Variants in SAMD3 observed in about 807,000 individuals in gnomAD.
The protein encoded by SAMD3 is sterile alpha motif domain-containing protein 3.
In SAMD3, 63 loss-of-function variants were observed where a neutral mutation model predicts 58.5. That is an observed-to-expected ratio of 1.08 (90% CI 0.88 to 1.33). The LOEUF is 1.33. SAMD3 is among the 40% of genes most tolerant of loss of function. The pLI, the probability that SAMD3 is intolerant of heterozygous loss-of-function variation, is 0.00. For synonymous variants in SAMD3, 220 were observed against 210.3 expected (o/e 1.05, Z -0.40); for missense variants, 604 against 608.4 (o/e 0.99, Z 0.08).
At position 130,144,644 on chromosome 6, in the gene SAMD3, C is replaced by T; in HGVS notation, c.1439G>A (p.Cys480Tyr). 2.5e-6 allele frequency: 4 copies of T among 1,614,120 alleles called. No homozygotes were observed. The highest frequency in any genetic ancestry group is 3.4e-6 in the Non-Finnish European group (4 of 1,180,014). The change falls in exon 12 of 12, where the codon TGT becomes TAT. Residue 480 changes from cysteine (C) to tyrosine (Y), a missense_variant. Coordinates refer to ENST00000439090, the MANE Select transcript of SAMD3 (RefSeq NM_001017373.4). ...VAAFHVFRIE[C>Y]PRRLSQTFNF... ...GAAAGTTTGGGACAGTCTTCTTGGA[C>T]ACTCAATCCTAAATACATGAAAGGC...
intron 2 of SAMD3, among the ~76,000 whole-genome samples, chr6:130,258,812 A>G (rs773361888): frequency 2.0e-5 from 3 of 152,120 alleles, no homozygotes; most frequent in Non-Finnish European, 4.4e-5. Flanking sequence ...TATCCCACAG[A>G]TTTGATGTTA....
In SAMD3 at chr6:130,144,438, AC is replaced by A. The variant is rs377204860; in HGVS notation, c.*81del. On this transcript the variant is annotated 3_prime_UTR_variant, in exon 12 of 12. Coordinates refer to ENST00000439090, the MANE Select transcript of SAMD3 (RefSeq NM_001017373.4). Reference sequence around the variant, plus strand: ...AGATGATTTTCTCATACCTACCTCTACCACAACCCTAAATCAAAACAATTTC... The same window carrying A: ...AGATGATTTTCTCATACCTACCTCTACACAACCCTAAATCAAAACAATTTC... The A allele has an allele frequency of 3.2e-4, 447 of 1,376,498 alleles. 2 individuals carry two copies. The African/African-American group carries it at 5.7e-3, about 17-fold the overall frequency. 85.3% of individuals were successfully genotyped at this position (1,376,498 alleles called of 1,614,324 possible).
intron 2 of SAMD3, among the ~76,000 whole-genome samples, chr6:130,264,291 A>G (rs2114927061): frequency 6.6e-6 from 1 of 152,302 alleles, no homozygotes; most frequent in Middle Eastern, 3.4e-3. Flanking sequence ...AAGGCCATCC[A>G]GCTTCCATCT....
intron 2 of SAMD3, among the ~76,000 whole-genome samples, chr6:130,258,677 C>T (rs571869346): frequency 1.8e-4 from 27 of 152,186 alleles, no homozygotes; most frequent in Middle Eastern, 3.4e-3. Flanking sequence ...TCCTTATCAC[C>T]CAGCAACCAC....
chr6:130,258,977 T>A (rs774874802), intron 2 of SAMD3, among the ~76,000 whole-genome samples: 1 of 152,132 alleles, frequency 6.6e-6, no homozygotes, highest in Admixed American at 6.6e-5. Flanking sequence ...ATTTTATGAC[T>A]TTTACAGTGG....
At chr6:130,223,794 T>C (rs926835960), upstream of SAMD3, among the ~76,000 whole-genome samples, 1 of 152,138 alleles carries the variant, frequency 6.6e-6, no homozygotes, top group African/African-American at 2.4e-5. Flanking sequence ...TGGCAGCACC[T>C]AGGGTTGAGT....
intron 2 of SAMD3, among the ~76,000 whole-genome samples, chr6:130,251,888 G>A (rs1292719926): frequency 6.6e-6 from 1 of 151,936 alleles, no homozygotes; most frequent in African/African-American, 2.4e-5. Flanking sequence ...AGAATAATCT[G>A]ATCCTGAGGG....
At chr6:130,285,074 G>C (rs371546995) in intron 2 of SAMD3, among the ~76,000 whole-genome samples, 2 of 152,156 alleles carry the variant, frequency 1.3e-5, no homozygotes, top group Admixed American at 6.5e-5. Flanking sequence ...GTATTCAATG[G>C]TTAAAAATGG....
At chr6:130,306,556 C>T (rs892010255) in intron 2 of SAMD3, among the ~76,000 whole-genome samples, 2 of 145,636 alleles carry the variant, frequency 1.4e-5, no homozygotes, top group Admixed American at 1.4e-4. Context: ...GTTGAACCGA[C>T]AGAAATTAGA....
chr6:130,160,828 A>G (rs1179038680), intron 8 of SAMD3: 3 of 152,176 alleles, frequency 2.0e-5, no homozygotes, highest in African/African-American at 7.2e-5. Flanking sequence ...TAAAATGTGG[A>G]AGGTGGTGAA....
rs148782566 is a variant in SAMD3, at chr6:130,343,871, G to A, written c.-304+21249C>T. Among the ~76,000 whole-genome samples the A allele has an allele frequency of 1.2e-4, 19 of 152,120 alleles. No individual in the cohort carries two copies. The East Asian group carries it at 2.5e-3, about 20-fold the overall frequency. On this transcript the variant is annotated intron_variant, in intron 1 of 13. Transcript: ENST00000368134. ...TCCCAGCTACTTGGGAGGCCGAGGC[G>A]GGAGAATCGCTTGAACCGGGGAGGT...
rs116313902 is a variant in SAMD3, at chr6:130,335,083, C to T, written c.-303-21990G>A. 8.8e-3 allele frequency among the ~76,000 whole-genome samples: 1,342 copies of T among 152,298 alleles called. 22 individuals carry two copies. Among genetic ancestry groups the T allele is most frequent in the African/African-American group, 0.03 (1,262 of 41,544 alleles). On this transcript the variant is annotated intron_variant, in intron 1 of 13. Coordinates refer to the SAMD3 transcript ENST00000368134. ...TGACAGCAGCAAAGGGTTAGGCTCC[C>T]AGCCGCTATTTTTCTCAAAGTTGGC...
At chr6:130,225,418 A>G (rs978083206), upstream of SAMD3, among the ~76,000 whole-genome samples, 4 of 152,220 alleles carry the variant, frequency 2.6e-5, no homozygotes, top group African/African-American at 4.8e-5. Flanking sequence ...AGAGGCTGGT[A>G]TCTCATTGTC....
chr6:130,273,378 G>T (rs1583035732), intron 2 of SAMD3, among the ~76,000 whole-genome samples: 1 of 152,046 alleles, frequency 6.6e-6, no homozygotes, highest in African/African-American at 2.4e-5. Context: ...TTTAGCCTAT[G>T]TGTATCCTTA....
chr6:130,243,912 AAT>A (rs1773448270), intron 2 of SAMD3, among the ~76,000 whole-genome samples: 1 of 152,220 alleles, frequency 6.6e-6, no homozygotes, highest in South Asian at 2.1e-4. Flanking sequence ...CAGTCTCATG[AAT>A]ATATATGTCT....
intron 4 of SAMD3, among the ~76,000 whole-genome samples, chr6:130,211,188 G>A (rs555403902): frequency 2.5e-4 from 38 of 152,012 alleles, no homozygotes; most frequent in South Asian, 1.5e-3. Context: ...TCATCTGCAT[G>A]AGAAAACCTT....
Position 130,253,941 on chromosome 6 carries a change from G to T in SAMD3, c.-187-31128C>A, listed in dbSNP as rs936060672. On this transcript the variant is annotated intron_variant, in intron 2 of 13. Coordinates refer to the SAMD3 transcript ENST00000368134. ...GTATTGCTCATGTTTGTTTTGGTCT[G>T]AGGTCTGTAATTAGATACATTCAAA... is the stretch of plus-strand genomic sequence containing the variant. Among the ~76,000 whole-genome samples, 8 of 151,982 alleles carry T rather than the reference G, an allele frequency of 5.3e-5. 1 individual carries two copies. The South Asian group carries it at 1.7e-3, about 31-fold the overall frequency.
chr6:130,191,924 G>C (rs1429468032), intron 5 of SAMD3, among the ~76,000 whole-genome samples: 4 of 152,210 alleles, frequency 2.6e-5, no homozygotes, highest in African/African-American at 7.2e-5. Flanking sequence ...TAAATCTCCA[G>C]AATGCACTAT....
chr6:130,197,868 C>G (rs934369718), intron 5 of SAMD3, among the ~76,000 whole-genome samples: 1 of 152,192 alleles, frequency 6.6e-6, no homozygotes, highest in Admixed American at 6.5e-5. Flanking sequence ...CTGTGGCCTG[C>G]ACGTACACAT....
Sources: gnomAD v4.1 joint callset for allele counts (sites outside exome capture counted in the v4.1 genomes callset) on GRCh38, gnomAD v4.1.1 for gene constraint, MANE v1.5 for transcripts, NCBI Gene and HGNC (gene_info 2026-07-23, HGNC 2026-07-21) for gene names.